Variants in NKAIN2 observed in about 807,000 individuals in gnomAD.
The protein encoded by NKAIN2 is sodium/potassium transporting ATPase interacting 2, also known as sodium/potassium-transporting ATPase subunit beta-1-interacting protein 2.
A neutral mutation model predicts 32.6 loss-of-function variants in NKAIN2; 14 were observed. The ratio of observed to expected loss-of-function variants is 0.43; its 90% CI spans 0.28 to 0.67. The LOEUF (loss-of-function observed/expected upper bound fraction) is 0.67. NKAIN2 is among the 30% of genes least tolerant of loss of function. The pLI is 0.17. For synonymous variants in NKAIN2, 80 were observed against 87.2 expected (o/e 0.92, Z 0.46); for missense variants, 198 against 258.3 (o/e 0.77, Z 1.60).
intron 3 of NKAIN2, among the ~76,000 whole-genome samples, chr6:124,391,979 G>A (rs148913277): frequency 1.3e-4 from 20 of 152,168 alleles, no homozygotes; most frequent in African/African-American, 4.8e-4. Flanking sequence ...CTTGTTACTT[G>A]ATGCCAAACA....
At chr6:123,825,465 A>G (rs888656533) in intron 1 of NKAIN2, among the ~76,000 whole-genome samples, 1 of 152,196 alleles carries the variant, frequency 6.6e-6, no homozygotes, top group African/African-American at 2.4e-5. Flanking sequence ...TTTGGAACAC[A>G]AAGATATGTA....
intron 1 of NKAIN2, among the ~76,000 whole-genome samples, chr6:123,851,712 A>T (rs906837982): frequency 2.0e-5 from 3 of 152,050 alleles, no homozygotes; most frequent in East Asian, 1.9e-4. Context: ...CGAGCTTTTT[A>T]AAAAAATATA....
chr6:124,082,689 A>G (rs1784029721), intron 1 of NKAIN2, among the ~76,000 whole-genome samples: 1 of 152,030 alleles, frequency 6.6e-6, no homozygotes, highest in Non-Finnish European at 1.5e-5. Context: ...CAGTGTCACA[A>G]ATTTTTAGAA....
At chr6:124,557,769 C>T (rs1423524050) in intron 3 of NKAIN2, among the ~76,000 whole-genome samples, 1 of 152,166 alleles carries the variant, frequency 6.6e-6, no homozygotes, top group Non-Finnish European at 1.5e-5. Context: ...CTACATTGTT[C>T]TTTCCTGTAC....
At chr6:124,081,743 A>G (rs558369644) in intron 1 of NKAIN2, among the ~76,000 whole-genome samples, 1 of 152,212 alleles carries the variant, frequency 6.6e-6, no homozygotes, top group Non-Finnish European at 1.5e-5. Context: ...CCAATTTGCA[A>G]TACACCATAG....
At position 123,860,079 on chromosome 6, in the gene NKAIN2, A is replaced by G. The variant is rs376512489; in HGVS notation, c.54+55825A>G. 3.9e-5 allele frequency among the ~76,000 whole-genome samples: 6 copies of G among 152,308 alleles called. 1 individual carries two copies. In the South Asian group the frequency reaches 8.3e-4, roughly 21 times the overall value. Reference sequence around the variant, plus strand: ...AGGATAAATCAGATGTGATAAGGAAAGTCAATGCCACAGTGGAAGCACTTC... The same window carrying G: ...AGGATAAATCAGATGTGATAAGGAAGGTCAATGCCACAGTGGAAGCACTTC... On this transcript the variant is annotated intron_variant, in intron 1 of 6. Transcript: ENST00000368417.
chr6:124,301,084 A>G (rs1384704389), intron 2 of NKAIN2, among the ~76,000 whole-genome samples: 1 of 152,026 alleles, frequency 6.6e-6, no homozygotes, highest in East Asian at 2.0e-4. Flanking sequence ...CCTCAGAGGC[A>G]AAAATGGTTT....
At chr6:124,162,722 C>T (rs1002238205) in intron 1 of NKAIN2, among the ~76,000 whole-genome samples, 4 of 152,002 alleles carry the variant, frequency 2.6e-5, no homozygotes, top group African/African-American at 7.2e-5. Context: ...AAAGTGGTAG[C>T]CAGACAGTGT....
chr6:124,539,114 AAGT>A (rs1377490373), intron 3 of NKAIN2, among the ~76,000 whole-genome samples: 3 of 152,280 alleles, frequency 2.0e-5, no homozygotes, highest in Admixed American at 1.3e-4. Context: ...ATTTGACACT[AAGT>A]AGAGATTCAG....
chr6:124,165,733 T>C (rs1317760493), intron 1 of NKAIN2, among the ~76,000 whole-genome samples: 2 of 149,316 alleles, frequency 1.3e-5, no homozygotes, highest in Non-Finnish European at 3.0e-5. Context: ...GTTCTCATTG[T>C]TCAATTCCCA....
chr6:124,377,551 C>T (rs1800046640), intron 3 of NKAIN2, among the ~76,000 whole-genome samples: 1 of 151,990 alleles, frequency 6.6e-6, no homozygotes, highest in Non-Finnish European at 1.5e-5. Context: ...GAGTTAGCCA[C>T]AGAAAAGTTG....
At chr6:124,024,839 T>C (rs940605355) in intron 1 of NKAIN2, among the ~76,000 whole-genome samples, 6 of 151,898 alleles carry the variant, frequency 4.0e-5, no homozygotes, top group African/African-American at 1.5e-4. Context: ...ATACAAAAAT[T>C]AGCCGAGCAT....
intron 4 of NKAIN2, among the ~76,000 whole-genome samples, chr6:124,748,853 TAAAA>T (rs5879757): frequency 2.7e-5 from 4 of 148,340 alleles, no homozygotes; most frequent in African/African-American, 9.8e-5. Context: ...ACTTCTAATT[TAAAA>T]AAAAAAAGAA....
intron 1 of NKAIN2, among the ~76,000 whole-genome samples, chr6:123,911,811 A>ATATATATG (rs1562253493): frequency 4.1e-5 from 4 of 96,654 alleles, no homozygotes; most frequent in African/African-American, 2.3e-4. Context: ...GTATATATAT[A>ATATATATG]TACACACACA....
chr6:124,473,771 A>G (rs1777071576), intron 3 of NKAIN2, among the ~76,000 whole-genome samples: 1 of 152,166 alleles, frequency 6.6e-6, no homozygotes, highest in Non-Finnish European at 1.5e-5. Flanking sequence ...ATTCACCATC[A>G]TCTCACATAC....
intron 3 of NKAIN2, among the ~76,000 whole-genome samples, chr6:124,558,237 T>A (rs1780551563): frequency 6.6e-6 from 1 of 152,206 alleles, no homozygotes; most frequent in South Asian, 2.1e-4. Flanking sequence ...ATGATTTATG[T>A]GTAGCATCCA....
intron 1 of NKAIN2, among the ~76,000 whole-genome samples, chr6:124,267,182 T>A (rs1794529495): frequency 6.6e-6 from 1 of 152,162 alleles, no homozygotes; most frequent in African/African-American, 2.4e-5. Flanking sequence ...GCTGAGATTG[T>A]CAAGCAAGGA....
At chr6:124,627,972 G>A (rs1783420729) in intron 3 of NKAIN2, among the ~76,000 whole-genome samples, 1 of 152,022 alleles carries the variant, frequency 6.6e-6, no homozygotes, top group African/African-American at 2.4e-5. Context: ...AAACTCACAT[G>A]CATTTTTCAC....
intron 1 of NKAIN2, among the ~76,000 whole-genome samples, chr6:124,226,714 G>A (rs1263935081): frequency 6.6e-6 from 1 of 152,070 alleles, no homozygotes; most frequent in Non-Finnish European, 1.5e-5. Flanking sequence ...AAGGCAAAGA[G>A]CCAATCTCTT....
Sources: gnomAD v4.1 joint callset for allele counts (sites outside exome capture counted in the v4.1 genomes callset) on GRCh38, gnomAD v4.1.1 for gene constraint, MANE v1.5 for transcripts, NCBI Gene and HGNC (gene_info 2026-07-23, HGNC 2026-07-21) for gene names.